PTPRK: variants seen among roughly 807,000 people sequenced by gnomAD.
PTPRK encodes receptor-type tyrosine-protein phosphatase kappa.
PTPRK carries 75 observed loss-of-function variants against 178.0 expected under a neutral mutation model. The ratio of observed to expected loss-of-function variants is 0.42; its 90% CI spans 0.35 to 0.51. The LOEUF (loss-of-function observed/expected upper bound fraction) is 0.51, where lower values mean the gene tolerates loss of function less well. PTPRK is among the 20% of genes least tolerant of loss of function. The pLI is 0.02. For synonymous variants in PTPRK, 637 were observed against 620.6 expected, an observed-to-expected ratio of 1.03 and a Z score of -0.39; for missense variants, 1,441 against 1,797.8, an observed-to-expected ratio of 0.80 and a Z score of 3.59.
intron 2 of PTPRK, among the ~76,000 whole-genome samples, chr6:128,346,291 ATATTCAAAGAAGGTAAATT>A: frequency 6.6e-6 from 1 of 152,222 alleles, no homozygotes; most frequent in Admixed American, 6.5e-5. Flanking sequence ...AAAAATATTA[ATATTCAAAGAAGGTAAATT>A]TAAAGAAGGA....
intron 11 of PTPRK, among the ~76,000 whole-genome samples, chr6:128,074,516 C>A (rs1047932968): frequency 6.6e-6 from 1 of 151,930 alleles, no homozygotes; most frequent in African/African-American, 2.4e-5. Context: ...ATTATGTATT[C>A]TAGGGAATTG....
Position 127,990,854 on chromosome 6 carries a change from G to A in PTPRK, c.3011C>T (p.Thr1004Ile), listed in dbSNP as rs752818034. The change falls in exon 21 of 30, where the codon ACT (threonine) becomes ATT (isoleucine). Residue 1004 changes from threonine (T) to isoleucine (I), a missense_variant. Transcript: ENST00000368226. ...VKCYKYWPDDTEVYGDFKVTC... is the reference protein window; with the variant it reads ...VKCYKYWPDDIEVYGDFKVTC... ...TACTTTGAAGTCACCATAAACTTCA[G>A]TATCATCAGGCCAATATTTATAGCA... The A allele has an allele frequency of 3.1e-6, 5 of 1,609,896 alleles. 1 individual carries two copies. The South Asian group carries it at 4.4e-5, about 14-fold the overall frequency.
At position 128,349,761 on chromosome 6, in the gene PTPRK, A is replaced by G. The variant is rs116062845; in HGVS notation, c.224-27451T>C. 9.7e-3 allele frequency among the ~76,000 whole-genome samples: 1,470 copies of G among 152,280 alleles called. 21 individuals carry two copies. The highest frequency in any genetic ancestry group is 0.033 in the African/African-American group (1,353 of 41,562). On this transcript the variant is annotated intron_variant, in intron 2 of 29. Coordinates refer to ENST00000368226, the MANE Select transcript of PTPRK (RefSeq NM_002844.4). ...CGTTATAGTCTATTTGTTCTGTTTT[A>G]CTTGGGTAATAAGGAAATTTTAAGC...
At chr6:128,416,423 C>T (rs1842858336) in intron 1 of PTPRK, among the ~76,000 whole-genome samples, 1 of 151,126 alleles carries the variant, frequency 6.6e-6, no homozygotes, top group Admixed American at 6.6e-5. Context: ...AGGCGGATCA[C>T]GAGGTCAGGA....
intron 12 of PTPRK, among the ~76,000 whole-genome samples, chr6:128,066,378 G>A (rs1781759343): frequency 6.6e-6 from 1 of 152,060 alleles, no homozygotes; most frequent in Non-Finnish European, 1.5e-5. Flanking sequence ...CTTTTTCTTT[G>A]CTACCTACAA....
At chr6:128,376,414 T>C (rs562647517) in intron 2 of PTPRK, among the ~76,000 whole-genome samples, 1 of 152,306 alleles carries the variant, frequency 6.6e-6, no homozygotes, top group South Asian at 2.1e-4. Context: ...ATGGCTGGCA[T>C]GACTGAAACA....
chr6:128,206,978 G>A (rs1807093248), intron 6 of PTPRK, among the ~76,000 whole-genome samples: 1 of 152,128 alleles, frequency 6.6e-6, no homozygotes, highest in African/African-American at 2.4e-5. Context: ...ATGTGAAGGA[G>A]TGTTTGATAT....
chr6:128,089,489 T>A (rs1478917879), intron 8 of PTPRK, among the ~76,000 whole-genome samples: 1 of 152,212 alleles, frequency 6.6e-6, no homozygotes, highest in Non-Finnish European at 1.5e-5. Flanking sequence ...CAGAAGCACA[T>A]TTCATTTAGT....
intron 7 of PTPRK, among the ~76,000 whole-genome samples, chr6:128,125,971 T>G (rs896258105): frequency 1.3e-5 from 2 of 152,148 alleles, no homozygotes; most frequent in African/African-American, 4.8e-5. Flanking sequence ...GTTTTCAGAC[T>G]GACTCCTTTC....
At chr6:128,376,863 A>G (rs1034969814) in intron 2 of PTPRK, among the ~76,000 whole-genome samples, 2 of 152,206 alleles carry the variant, frequency 1.3e-5, no homozygotes, top group African/African-American at 4.8e-5. Flanking sequence ...ATCTTTTGCT[A>G]ATACGTAACA....
chr6:128,200,898 AGGG>A (rs1266013749), intron 6 of PTPRK, among the ~76,000 whole-genome samples: 2,106 of 35,958 alleles, frequency 0.059, 68 homozygotes, highest in African/African-American at 0.15. Context: ...GGAAGGAGGG[AGGG>A]AGGGAGGGAG....
intron 11 of PTPRK, among the ~76,000 whole-genome samples, chr6:128,068,635 T>C (rs1401121608): frequency 6.6e-6 from 1 of 151,986 alleles, no homozygotes; most frequent in Non-Finnish European, 1.5e-5. Context: ...TTAACAACTC[T>C]GAAGCTGGTA....
At chr6:128,160,592 T>C (rs1429603083) in intron 7 of PTPRK, among the ~76,000 whole-genome samples, 6 of 151,718 alleles carry the variant, frequency 4.0e-5, no homozygotes, top group Admixed American at 3.3e-4. Flanking sequence ...TCATTAGCCA[T>C]GTGCTTGGCC....
chr6:128,243,440 G>A (rs1163463302), intron 3 of PTPRK, among the ~76,000 whole-genome samples: 2 of 137,586 alleles, frequency 1.5e-5, no homozygotes, highest in Non-Finnish European at 3.0e-5. Context: ...GAGTACTTGA[G>A]CCCAGAAGTT....
At chr6:128,323,496 T>C (rs1309605498) in intron 2 of PTPRK, among the ~76,000 whole-genome samples, 1 of 152,128 alleles carries the variant, frequency 6.6e-6, no homozygotes, top group Non-Finnish European at 1.5e-5. Context: ...CCTGACAACA[T>C]GTAAAAGTAA....
Position 128,110,604 on chromosome 6 carries a change from C to T in PTPRK, c.1163-20612G>A, listed in dbSNP as rs1025215453. 6.3e-4 allele frequency among the ~76,000 whole-genome samples: 95 copies of T among 150,958 alleles called. 2 individuals carry two copies. The highest frequency in any genetic ancestry group is 6.3e-4 in the Non-Finnish European group (43 of 67,892). Reference sequence around the variant, plus strand: ...ATTTATGCAGAAGGGAAAGTTGGCACTTTGAAGATAGAAGTAAAAAAAAAA... The same window carrying T: ...ATTTATGCAGAAGGGAAAGTTGGCATTTTGAAGATAGAAGTAAAAAAAAAA... On this transcript the variant is annotated intron_variant, in intron 7 of 29. Transcript: ENST00000368226.
chr6:128,514,273 C>T (rs1857599476), intron 1 of PTPRK, among the ~76,000 whole-genome samples: 1 of 151,984 alleles, frequency 6.6e-6, no homozygotes, highest in Non-Finnish European at 1.5e-5. Context: ...CTACTCTTTC[C>T]AAAAATGTTA....
chr6:128,463,495 T>C (rs373734969), intron 1 of PTPRK, among the ~76,000 whole-genome samples: 9 of 152,140 alleles, frequency 5.9e-5, no homozygotes, highest in African/African-American at 2.2e-4. Context: ...TGCACCTTGA[T>C]GCCACATCTA....
intron 6 of PTPRK, among the ~76,000 whole-genome samples, chr6:128,216,739 C>T (rs890018595): frequency 2.0e-5 from 3 of 151,362 alleles, no homozygotes; most frequent in African/African-American, 7.3e-5. Flanking sequence ...CAAAAGAGAT[C>T]CAGTAATGAC....
Sources: gnomAD v4.1 joint callset for allele counts (sites outside exome capture counted in the v4.1 genomes callset) on GRCh38, gnomAD v4.1.1 for gene constraint, MANE v1.5 for transcripts, NCBI Gene and HGNC (gene_info 2026-07-23, HGNC 2026-07-21) for gene names.